Variants in SCFD2 observed in about 807,000 individuals in gnomAD.
SCFD2 encodes the protein sec1 family domain-containing protein 2.
A neutral mutation model predicts 58.9 loss-of-function variants in SCFD2; 54 were observed. The observed-to-expected ratio is 0.92, with a 90% CI of 0.74 to 1.15. The LOEUF is 1.15. Among genes scored for constraint, SCFD2 ranks in the 50% most tolerant of loss-of-function variants. The pLI, the probability that SCFD2 is intolerant of heterozygous loss-of-function variation, is 0.00. For synonymous variants in SCFD2, 321 were observed against 335.9 expected (o/e 0.96, Z 0.49); for missense variants, 805 against 836.6 (o/e 0.96, Z 0.47).
chr4:53,090,704 T>C (rs564715750), intron 5 of SCFD2, among the ~76,000 whole-genome samples: 1 of 152,314 alleles, frequency 6.6e-6, no homozygotes, highest in African/African-American at 2.4e-5. Flanking sequence ...TCTTAGACAC[T>C]AGGGATGCAG....
chr4:52,897,876 A>G (rs529461837), intron 7 of SCFD2, among the ~76,000 whole-genome samples: 4 of 152,306 alleles, frequency 2.6e-5, no homozygotes, highest in South Asian at 4.1e-4. Context: ...TTCCTGGTTT[A>G]GTCTTGGGAG....
At chr4:53,201,349 T>A (rs968768659) in intron 4 of SCFD2, among the ~76,000 whole-genome samples, 1 of 152,188 alleles carries the variant, frequency 6.6e-6, no homozygotes, top group Non-Finnish European at 1.5e-5. Flanking sequence ...ACAAAGGACA[T>A]GAACTCATCC....
chr4:52,927,493 T>C (rs886456597), intron 5 of SCFD2, among the ~76,000 whole-genome samples: 1 of 152,264 alleles, frequency 6.6e-6, no homozygotes, highest in African/African-American at 2.4e-5. Context: ...TCTTTTACAT[T>C]TGCCTTGTTC....
intron 5 of SCFD2, among the ~76,000 whole-genome samples, chr4:53,134,805 A>C (rs1446375794): frequency 1.3e-5 from 2 of 152,204 alleles, no homozygotes; most frequent in Non-Finnish European, 2.9e-5. Context: ...CTACCAATGC[A>C]GAAGGCCCAG....
At chr4:53,103,879 AGCTGG>A (rs1724906876) in intron 5 of SCFD2, among the ~76,000 whole-genome samples, 5 of 146,358 alleles carry the variant, frequency 3.4e-5, no homozygotes, top group South Asian at 2.2e-4. Flanking sequence ...CAATGGCCAA[AGCTGG>A]AACAATATGA....
At chr4:53,030,211 A>C (rs1722581309) in intron 5 of SCFD2, among the ~76,000 whole-genome samples, 1 of 152,232 alleles carries the variant, frequency 6.6e-6, no homozygotes. Flanking sequence ...GCAAATAAGC[A>C]CATGAAAAGA....
At chr4:53,337,068 A>T (rs1475183488) in intron 2 of SCFD2, among the ~76,000 whole-genome samples, 1 of 152,110 alleles carries the variant, frequency 6.6e-6, no homozygotes, top group African/African-American at 2.4e-5. Flanking sequence ...GCCATAAAAA[A>T]TTACCACAAA....
chr4:53,212,239 C>T (rs184947355), intron 4 of SCFD2, among the ~76,000 whole-genome samples: 4 of 152,086 alleles, frequency 2.6e-5, no homozygotes, highest in African/African-American at 7.2e-5. Flanking sequence ...ACCCCAAAGT[C>T]GGTAAAGTTA....
At chr4:53,024,252 A>ATCT (rs3076921) in intron 5 of SCFD2, among the ~76,000 whole-genome samples, 34,262 of 151,976 alleles carry the variant, frequency 0.23, 6,679 homozygotes, top group African/African-American at 0.53. Flanking sequence ...CCCAGAAAAA[A>ATCT]TCCAAAGAAG....
chr4:53,283,599 CA>C (rs1442914187), intron 3 of SCFD2, among the ~76,000 whole-genome samples: 3 of 151,954 alleles, frequency 2.0e-5, no homozygotes, highest in Non-Finnish European at 4.4e-5. Flanking sequence ...GGTAGAGTCT[CA>C]GTGTGTAACC....
chr4:53,086,769 A>G (rs1724318540), intron 5 of SCFD2, among the ~76,000 whole-genome samples: 1 of 152,210 alleles, frequency 6.6e-6, no homozygotes, highest in African/African-American at 2.4e-5. Context: ...GTCAAGTGAA[A>G]TAAGTCAGAC....
At chr4:53,168,397 G>T (rs1463098156) in intron 4 of SCFD2, among the ~76,000 whole-genome samples, 1 of 152,084 alleles carries the variant, frequency 6.6e-6, no homozygotes, top group African/African-American at 2.4e-5. Context: ...TATTCTTCCA[G>T]ATAAGAGCTC....
chr4:52,878,526 T>G (rs1252717085), intron 8 of SCFD2, among the ~76,000 whole-genome samples: 1 of 152,206 alleles, frequency 6.6e-6, no homozygotes, highest in Non-Finnish European at 1.5e-5. Context: ...TTTTTTGAAT[T>G]TTCAGAATTT....
chr4:52,977,566 T>G (rs984890459), intron 5 of SCFD2, among the ~76,000 whole-genome samples: 1 of 152,078 alleles, frequency 6.6e-6, no homozygotes, highest in Non-Finnish European at 1.5e-5. Context: ...TGGCAAGGAA[T>G]GACTAAAAAA....
intron 3 of SCFD2, among the ~76,000 whole-genome samples, chr4:53,309,085 A>G (rs1274050645): frequency 3.9e-5 from 6 of 152,042 alleles, no homozygotes; most frequent in Non-Finnish European, 7.4e-5. Flanking sequence ...GTGAGCCGAG[A>G]TCACGCCACT....
chr4:52,967,679 T>C (rs1720992562), intron 5 of SCFD2, among the ~76,000 whole-genome samples: 1 of 152,218 alleles, frequency 6.6e-6, no homozygotes, highest in African/African-American at 2.4e-5. Context: ...TATTTCCTCA[T>C]GAGACTACAG....
Position 53,218,051 on chromosome 4 carries a change from C to G in SCFD2, c.1311+55775G>C, listed in dbSNP as rs144493310. Among the ~76,000 whole-genome samples the G allele has an allele frequency of 3.5e-3, 534 of 152,264 alleles. 5 individuals are homozygous for G. Among genetic ancestry groups the G allele is most frequent in the African/African-American group, 0.013 (522 of 41,554 alleles). ...GGGCTTCCCTTTGTGGGTAACCCGA[C>G]CTTTCTCTCTGGCTGCCCTGAACAT... On this transcript the variant is annotated intron_variant, in intron 4 of 8. Coordinates refer to ENST00000401642, the MANE Select transcript of SCFD2 (RefSeq NM_152540.4).
chr4:53,164,413 C>T (rs144943691), intron 4 of SCFD2, among the ~76,000 whole-genome samples: 63 of 152,250 alleles, frequency 4.1e-4, no homozygotes, highest in African/African-American at 1.3e-3. Flanking sequence ...AGTAGCTCTA[C>T]GTGCCTAGGT....
chr4:52,899,162 A>T (rs1251263938), intron 7 of SCFD2, among the ~76,000 whole-genome samples: 2 of 152,152 alleles, frequency 1.3e-5, no homozygotes, highest in Non-Finnish European at 2.9e-5. Flanking sequence ...TAAGGTTAGT[A>T]TTGTAATGTG....
Sources: allele counts gnomAD v4.1 joint callset (sites outside exome capture counted in the v4.1 genomes callset), GRCh38; gene constraint gnomAD v4.1.1; transcripts MANE v1.5; gene names NCBI Gene and HGNC (gene_info 2026-07-23, HGNC 2026-07-21).